Variants in PCSK5 observed in about 807,000 individuals in gnomAD.
The protein encoded by PCSK5 is prohormone convertase 5.
In PCSK5, 129 loss-of-function variants were observed where a neutral mutation model predicts 233.2. That is an observed-to-expected ratio of 0.55 (90% CI 0.48 to 0.64). PCSK5 has a LOEUF of 0.64. Ranked by LOEUF, PCSK5 falls within the 30% of genes least tolerant of loss-of-function variation. The probability of loss-of-function intolerance (pLI) is 0.00; values close to 1 mark genes in which losing one functional copy is unlikely to be tolerated. For synonymous variants in PCSK5, 825 were observed against 879.2 expected (o/e 0.94, Z 1.09); for missense variants, 2,076 against 2,430.1 (o/e 0.85, Z 3.06).
chr9:76,229,438 A>T (rs1826006205), intron 21 of PCSK5, among the ~76,000 whole-genome samples: 1 of 152,242 alleles, frequency 6.6e-6, no homozygotes, highest in African/African-American at 2.4e-5. Flanking sequence ...TAACATGCAA[A>T]GCTCTGTGAT....
chr9:76,247,509 G>A (rs955012752), intron 24 of PCSK5, among the ~76,000 whole-genome samples: 12 of 152,126 alleles, frequency 7.9e-5, no homozygotes, highest in African/African-American at 2.9e-4. Context: ...TGATTGGTCC[G>A]GTGTGAGCTA....
intron 12 of PCSK5, among the ~76,000 whole-genome samples, chr9:76,160,429 T>G (rs893074174): frequency 2.6e-5 from 4 of 152,162 alleles, no homozygotes; most frequent in African/African-American, 9.7e-5. Flanking sequence ...AGCCTAAAGC[T>G]TCTTTGATTT....
chr9:76,279,664 T>G (rs1248578885), intron 24 of PCSK5, among the ~76,000 whole-genome samples: 1 of 152,048 alleles, frequency 6.6e-6, no homozygotes, highest in Non-Finnish European at 1.5e-5. Flanking sequence ...TGATGGCCAG[T>G]GATGATGAGC....
chr9:76,323,203 G>A lies in PCSK5; in HGVS notation c.4254G>A (p.Glu1418=), dbSNP rs749673449. ...CCGACGACTGCGAGCTCTGTCTTGA[G>A]AGTTCCTGGGTCCTCTATGATGGAC... ...PKADDCELCL[E]SSWVLYDGLC... is the part of the protein sequence containing the mutation. The change falls in exon 32 of 38, where the codon GAG becomes GAA. Residue 1418 remains glutamate, a synonymous_variant. Coordinates refer to ENST00000674117, the MANE Select transcript of PCSK5 (RefSeq NM_001372043.1). The A allele has an allele frequency of 1.2e-5, 20 of 1,612,722 alleles. No individual in the cohort carries two copies. Among genetic ancestry groups the A allele is most frequent in the Middle Eastern group, 1.6e-4 (1 of 6,084 alleles).
intron 24 of PCSK5, among the ~76,000 whole-genome samples, chr9:76,283,659 A>G (rs1827955396): frequency 6.6e-6 from 1 of 152,232 alleles, no homozygotes; most frequent in Admixed American, 6.5e-5. Flanking sequence ...CCTGTAGTAT[A>G]CTATTTTAAA....
At chr9:76,288,229 G>A (rs1828149368) in intron 24 of PCSK5, 1 of 152,188 alleles carries the variant, frequency 6.6e-6, no homozygotes, top group African/African-American at 2.4e-5. Flanking sequence ...GATTCAAGGT[G>A]AAACTCACTT....
At chr9:76,259,277 T>C (rs1827084920) in intron 24 of PCSK5, among the ~76,000 whole-genome samples, 1 of 152,232 alleles carries the variant, frequency 6.6e-6, no homozygotes, top group Non-Finnish European at 1.5e-5. Flanking sequence ...CTAGTCATGA[T>C]TGCTGTAGCC....
intron 10 of PCSK5, among the ~76,000 whole-genome samples, chr9:76,146,540 A>G (rs558435653): frequency 2.3e-4 from 35 of 149,276 alleles, no homozygotes; most frequent in African/African-American, 6.1e-4. Flanking sequence ...ATATATATAT[A>G]TGTGTATATA....
intron 2 of PCSK5, among the ~76,000 whole-genome samples, chr9:75,954,981 A>T (rs1825028122): frequency 6.6e-6 from 1 of 152,140 alleles, no homozygotes; most frequent in African/African-American, 2.4e-5. Flanking sequence ...ATAATTTGGA[A>T]ATCTTTTAGG....
intron 5 of PCSK5, among the ~76,000 whole-genome samples, chr9:76,066,005 C>G (rs1364644686): frequency 6.6e-6 from 1 of 152,098 alleles, no homozygotes; most frequent in African/African-American, 2.4e-5. Flanking sequence ...TTCTGTTGGT[C>G]AGTGTGTCTG....
At position 76,157,179 on chromosome 9, in the gene PCSK5, G is replaced by T; in HGVS notation, c.1430+17G>T. 1.9e-6 allele frequency: 3 copies of T among 1,547,376 alleles called. No homozygotes were observed. The highest frequency in any genetic ancestry group is 1.1e-5 in the South Asian group (1 of 89,780). On this transcript the variant is annotated intron_variant, in intron 11 of 37. Coordinates refer to ENST00000674117, the MANE Select transcript of PCSK5 (RefSeq NM_001372043.1). ...ACAAATCAAGTAATGCTTGCTGCCG[G>T]CAAACAGCATGACAATGCCCCAAAA...
intron 12 of PCSK5, 41 bp downstream of exon 12, chr9:76,159,212 C>A: frequency 6.4e-7 from 1 of 1,563,274 alleles, no homozygotes; most frequent in Non-Finnish European, 8.8e-7. Context: ...GTAGTCACAG[C>A]GACACTCGGC....
At chr9:75,893,127 C>G (rs182960358) in intron 1 of PCSK5, among the ~76,000 whole-genome samples, 116 of 152,270 alleles carry the variant, frequency 7.6e-4, no homozygotes, top group African/African-American at 2.7e-3. Context: ...ATTAATCTTT[C>G]CAGAGATTCA....
chr9:76,175,104 C>G lies in PCSK5; in HGVS notation c.1875C>G (p.Asp625Glu). The G allele has an allele frequency of 6.2e-7, 1 of 1,614,028 alleles. No individual in the cohort carries two copies. The highest frequency in any genetic ancestry group is 8.5e-7 in the Non-Finnish European group (1 of 1,179,964). Reference protein sequence around the residue: ...FRYSRVEDPTDDYGTEDYAGP... With the variant: ...FRYSRVEDPTEDYGTEDYAGP... ...ATAGCCGAGTTGAAGACCCCACAGACGACTATGGCACAGAGGATTATGCAG... is the reference window on the plus strand; with the variant it reads ...ATAGCCGAGTTGAAGACCCCACAGAGGACTATGGCACAGAGGATTATGCAG... Residue 625 changes from aspartate (D) to glutamate (E), a missense_variant, in exon 14 of 38, where the codon GAC becomes GAG. Physicochemically the swap from Asp to Glu is conservative, Grantham distance 45. Transcript: ENST00000674117.
At chr9:76,289,496 C>CGCA (rs1431132283) in intron 24 of PCSK5, among the ~76,000 whole-genome samples, 5,691 of 133,742 alleles carry the variant, frequency 0.043, 137 homozygotes, top group South Asian at 0.06. Flanking sequence ...CACACACACA[C>CGCA]ACACACACAC....
chr9:76,312,236 C>T (rs560502783), intron 30 of PCSK5, among the ~76,000 whole-genome samples: 33 of 152,130 alleles, frequency 2.2e-4, no homozygotes, highest in African/African-American at 8.0e-4. Context: ...CCTGGCTGGG[C>T]GTGGTGGCTC....
chr9:76,249,786 A>C (rs1031700228), intron 24 of PCSK5, among the ~76,000 whole-genome samples: 66 of 152,220 alleles, frequency 4.3e-4, no homozygotes, highest in African/African-American at 1.6e-3. Flanking sequence ...AATGATGGAA[A>C]TATGTCAAAG....
In PCSK5 at chr9:76,210,014, T is replaced by C. The variant is rs1434786905; in HGVS notation, c.2627-17489T>C. 7.9e-5 allele frequency among the ~76,000 whole-genome samples: 12 copies of C among 151,750 alleles called. No individual in the cohort carries two copies. In the East Asian group the frequency reaches 2.3e-3, roughly 29 times the overall value. ...CAAATGGCTGTTCTAAGTGGGAGAG[T>C]GTATCATGGGCTTGGGGGACTGGAA... is the stretch of plus-strand genomic sequence containing the variant. On this transcript the variant is annotated intron_variant, in intron 20 of 37. Transcript: ENST00000674117.
At chr9:76,202,118 G>A (rs892871753) in intron 20 of PCSK5, among the ~76,000 whole-genome samples, 1 of 152,144 alleles carries the variant, frequency 6.6e-6, no homozygotes, top group African/African-American at 2.4e-5. Context: ...TATCAGAAGA[G>A]CCACAAATAT....
Sources: gnomAD v4.1 joint callset for allele counts (sites outside exome capture counted in the v4.1 genomes callset) on GRCh38, gnomAD v4.1.1 for gene constraint, MANE v1.5 for transcripts, NCBI Gene and HGNC (gene_info 2026-07-23, HGNC 2026-07-21) for gene names.